Variants in SPRY3 observed in about 807,000 individuals in gnomAD.
The protein encoded by SPRY3 is sprouty RTK signaling antagonist 3.
In SPRY3, 15 loss-of-function variants were observed where a neutral mutation model predicts 20.2. The ratio of observed to expected loss-of-function variants is 0.74; its 90% CI spans 0.50 to 1.14. SPRY3 has a LOEUF of 1.14. SPRY3 is among the 50% of genes most tolerant of loss of function. The pLI, the probability that SPRY3 is intolerant of heterozygous loss-of-function variation, is 0.00. For missense variants in SPRY3, 364 were observed against 363.9 expected (o/e 1.00, Z 0.00); for synonymous variants, 143 against 136.5 (o/e 1.05, Z -0.33).
chrX:155,709,937 T>C (rs1466465733), intron 2 of SPRY3, among the ~76,000 whole-genome samples: 1 of 151,820 alleles, frequency 6.6e-6, no homozygotes, highest in Non-Finnish European at 1.5e-5. Context: ...CCAATGTATG[T>C]TCTTGGCACT....
intron 2 of SPRY3, among the ~76,000 whole-genome samples, chrX:155,707,286 G>T (rs1300600476): frequency 1.3e-5 from 2 of 150,970 alleles, no homozygotes; most frequent in African/African-American, 4.8e-5. Flanking sequence ...CCAAATATTT[G>T]GGGAGCTCTA....
intron 2 of SPRY3, among the ~76,000 whole-genome samples, chrX:155,710,244 G>T (rs753195092): frequency 6.6e-6 from 1 of 151,766 alleles, no homozygotes; most frequent in East Asian, 1.9e-4. Context: ...TCTGTAGATT[G>T]CTTTGGGTAG....
chrX:155,767,285 TC>T (rs200228981), intron 2 of SPRY3, among the ~76,000 whole-genome samples: 4 of 151,710 alleles, frequency 2.6e-5, no homozygotes, highest in South Asian at 2.1e-4. Flanking sequence ...TTTCCCATCC[TC>T]CCCTATAACC....
intron 1 of SPRY3, among the ~76,000 whole-genome samples, chrX:155,630,888 A>C (rs1294472018): frequency 9.0e-6 from 1 of 111,359 alleles, no homozygotes; most frequent in Non-Finnish European, 1.9e-5. Flanking sequence ...CATAAATCTC[A>C]GAAGCTTTCT....
intron 2 of SPRY3, among the ~76,000 whole-genome samples, chrX:155,767,530 G>A (rs953597011): frequency 6.6e-6 from 1 of 151,616 alleles, no homozygotes; most frequent in Non-Finnish European, 1.5e-5. Flanking sequence ...GGGAGACCAA[G>A]GTGGAGGCGG....
In SPRY3 at chrX:155,767,320, A is replaced by G. The variant is rs138783223; in HGVS notation, c.-281-642A>G. Among the ~76,000 whole-genome samples, 24 of 152,124 alleles carry G rather than the reference A, an allele frequency of 1.6e-4. No individual in the cohort carries two copies. In the East Asian group the frequency reaches 4.6e-3, roughly 29 times the overall value. On this transcript the variant is annotated intron_variant, in intron 2 of 3. Coordinates refer to ENST00000675360, the Ensembl canonical transcript of SPRY3. ...CCCATTCACAAGACCTCCAGAAATC[A>G]TCTACATTCACAAAACGGCCAGCTA...
At chrX:155,684,282 G>A (rs1328203509) in intron 2 of SPRY3, among the ~76,000 whole-genome samples, 2 of 110,899 alleles carry the variant, frequency 1.8e-5, no homozygotes, top group Admixed American at 9.5e-5. Context: ...TAGAGAGAAT[G>A]ATCACTATTA....
At chrX:155,779,903 G>A (rs1219338029), downstream of SPRY3, 2 of 166,936 alleles carry the variant, frequency 1.2e-5, no homozygotes, top group Admixed American at 1.3e-4. Context: ...CCGAAGGTTT[G>A]ATAAGATTTT....
chrX:155,764,494 A>G (rs2091316771), intron 2 of SPRY3, among the ~76,000 whole-genome samples: 1 of 152,212 alleles, frequency 6.6e-6, no homozygotes, highest in Non-Finnish European at 1.5e-5. Context: ...AGCTTAAAGA[A>G]CAAATAAAGA....
At chrX:155,711,147 T>G (rs764142728) in intron 2 of SPRY3, among the ~76,000 whole-genome samples, 1 of 151,890 alleles carries the variant, frequency 6.6e-6, no homozygotes, top group African/African-American at 2.4e-5. Flanking sequence ...ATTTGTCTAG[T>G]TTTGATATCA....
intron 2 of SPRY3, among the ~76,000 whole-genome samples, chrX:155,760,856 G>A (rs781610035): frequency 1.1e-4 from 17 of 152,160 alleles, no homozygotes; most frequent in South Asian, 2.1e-4. Flanking sequence ...CTAACAGGCC[G>A]CCGACCCCTA....
chrX:155,772,461 G>C (rs1476774391), intron 3 of SPRY3, among the ~76,000 whole-genome samples: 4 of 152,080 alleles, frequency 2.6e-5, no homozygotes, highest in African/African-American at 9.7e-5. Context: ...ACATACAGTA[G>C]TGTGAGTAAT....
exon 4 of SPRY3, chrX:155,774,653 G>T (rs768085652): frequency 4.3e-6 from 7 of 1,613,916 alleles, no homozygotes; most frequent in South Asian, 1.1e-5. Context: ...CCAGGCTGCC[G>T]CTGCAAGAGG....
At chrX:155,711,309 T>G (rs180769616) in intron 2 of SPRY3, among the ~76,000 whole-genome samples, 4 of 151,988 alleles carry the variant, frequency 2.6e-5, no homozygotes, top group Non-Finnish European at 5.9e-5. Flanking sequence ...TGGGAGACTT[T>G]TTATTACAGA....
chrX:155,726,884 G>C (rs1333516773), intron 2 of SPRY3, among the ~76,000 whole-genome samples: 1 of 152,090 alleles, frequency 6.6e-6, no homozygotes, highest in Non-Finnish European at 1.5e-5. Flanking sequence ...TGGTTATTTT[G>C]CCCATTAGTT....
intron 1 of SPRY3, among the ~76,000 whole-genome samples, chrX:155,622,085 A>T (rs1569562366): frequency 1.8e-5 from 2 of 111,315 alleles, no homozygotes; most frequent in East Asian, 5.7e-4. Context: ...TCAAACCAAC[A>T]CCTGTGCTTG....
At chrX:155,705,048 A>T (rs1056706673) in intron 2 of SPRY3, among the ~76,000 whole-genome samples, 1 of 151,596 alleles carries the variant, frequency 6.6e-6, no homozygotes, top group Non-Finnish European at 1.5e-5. Context: ...ATCAGACTAA[A>T]ATGTGGGACT....
At chrX:155,751,349 A>G (rs1439470254) in intron 2 of SPRY3, among the ~76,000 whole-genome samples, 2 of 151,904 alleles carry the variant, frequency 1.3e-5, no homozygotes, top group South Asian at 2.1e-4. Flanking sequence ...TGCAGCAGCT[A>G]CTGCTGCCAG....
At chrX:155,774,836 C>G in exon 4 of SPRY3, 1 of 1,361,012 alleles carries the variant, frequency 7.3e-7, no homozygotes, top group Non-Finnish European at 1.0e-6. Flanking sequence ...ATAAACTAGC[C>G]AAAGTTAGGG....
Sources: gnomAD v4.1 joint callset for allele counts (sites outside exome capture counted in the v4.1 genomes callset) on GRCh38, gnomAD v4.1.1 for gene constraint, MANE v1.5 for transcripts, NCBI Gene and HGNC (gene_info 2026-07-23, HGNC 2026-07-21) for gene names.